Variants in DOCK11 observed in about 807,000 individuals in gnomAD.
The protein encoded by DOCK11 is dedicator of cytokinesis 11.
DOCK11 carries 70 observed loss-of-function variants against 169.1 expected under a neutral mutation model. The ratio of observed to expected loss-of-function variants is 0.41; its 90% confidence interval spans 0.34 to 0.51. DOCK11 has a LOEUF of 0.51. Among genes scored for constraint, DOCK11 ranks in the 20% least tolerant of loss-of-function variants. The pLI is 0.10. For missense variants in DOCK11, 1,166 were observed against 1,538.8 expected (o/e 0.76, Z 4.05); for synonymous variants, 529 against 541.3 (o/e 0.98, Z 0.32).
At chrX:118,504,212 C>T (rs1012931541) in intron 1 of DOCK11, among the ~76,000 whole-genome samples, 5 of 109,987 alleles carry the variant, frequency 4.5e-5, no homozygotes, top group African/African-American at 9.9e-5. Context: ...TTTCTGGGTT[C>T]GACAAGGTTA....
At chrX:118,671,967 C>T (rs1603183955) in intron 46 of DOCK11, among the ~76,000 whole-genome samples, 1 of 112,811 alleles carries the variant, frequency 8.9e-6, no homozygotes, top group Admixed American at 9.3e-5. Context: ...GCGTGAGCCA[C>T]TGTGACCGGC....
rs982419740 is a variant in DOCK11 at position 118,509,999 on chromosome X, C to T, written c.102+13926C>T. 4.5e-5 allele frequency among the ~76,000 whole-genome samples: 5 copies of T among 112,288 alleles called. No homozygotes were observed. The Admixed American group carries it at 4.7e-4, about 11-fold the overall frequency. On this transcript the variant is annotated intron_variant, in intron 1 of 52. Coordinates refer to ENST00000276202, the MANE Select transcript of DOCK11 (RefSeq NM_144658.4). ...CTGACACCGGCTCTCTTGCCTCCCT[C>T]TTTCACTTATAAGGACCTTGGTTCC...
chrX:118,645,467 G>A (rs1332590912), intron 40 of DOCK11, among the ~76,000 whole-genome samples: 2 of 110,842 alleles, frequency 1.8e-5, no homozygotes, highest in Non-Finnish European at 3.8e-5. Flanking sequence ...GCCGAGGCGG[G>A]CAGATCACCT....
intron 10 of DOCK11, chrX:118,569,424 G>C (rs762739815): frequency 9.0e-6 from 1 of 111,140 alleles, no homozygotes; most frequent in East Asian, 2.8e-4. Flanking sequence ...GTCAAGTACA[G>C]TAGTGACAAG....
chrX:118,681,312 CAG>C (rs1162505811), intron 50 of DOCK11, 64 bp downstream of exon 50: 2 of 992,832 alleles, frequency 2.0e-6, no homozygotes, highest in African/African-American at 3.9e-5. Context: ...TATAAGGGCA[CAG>C]AGCAAGCATT....
At chrX:118,516,684 C>T (rs1222419900) in intron 1 of DOCK11, among the ~76,000 whole-genome samples, 1 of 111,007 alleles carries the variant, frequency 9.0e-6, no homozygotes, top group Non-Finnish European at 1.9e-5. Context: ...ATCTGTGCAC[C>T]TCAGCCTCCC....
rs778368640 is a variant in DOCK11 at position 118,585,035 on chromosome X, A to G, written c.1719-6A>G. 8.3e-7 allele frequency: 1 copy of G among 1,204,476 alleles called. No individual in the cohort carries two copies. Among genetic ancestry groups the G allele is most frequent in the South Asian group, 1.8e-5 (1 of 56,541 alleles). The stretch of plus-strand genomic sequence containing the variant: ...TAACTCTAAAATATTATTATTTTAT[A>G]CCCAGGCCAGAAAAGACCAAACTGC... On this transcript the variant is annotated splice_region_variant and splice_polypyrimidine_tract_variant and intron_variant, in intron 15 of 52. Transcript: ENST00000276202.
chrX:118,513,599 G>A (rs1023907048), intron 1 of DOCK11, among the ~76,000 whole-genome samples: 3 of 111,884 alleles, frequency 2.7e-5, no homozygotes, highest in South Asian at 3.7e-4. Flanking sequence ...GTGACAGAGC[G>A]AGACCTTGTC....
chrX:118,553,081 C>A (rs1002044423), intron 6 of DOCK11, among the ~76,000 whole-genome samples: 1 of 111,414 alleles, frequency 9.0e-6, no homozygotes, highest in Non-Finnish European at 1.9e-5. Context: ...TCTTCAATTC[C>A]TGGAAAAGTA....
intron 23 of DOCK11, among the ~76,000 whole-genome samples, chrX:118,600,235 C>T (rs1401458233): frequency 9.1e-6 from 1 of 110,070 alleles, no homozygotes; most frequent in Non-Finnish European, 1.9e-5. Context: ...GGCGAAACCC[C>T]GTCTCTACTA....
chrX:118,668,108 C>A (rs886602272), intron 45 of DOCK11, among the ~76,000 whole-genome samples: 3 of 111,718 alleles, frequency 2.7e-5, no homozygotes, highest in African/African-American at 9.7e-5. Flanking sequence ...TGCTTTTTCT[C>A]TTTCTCTTGC....
chrX:118,515,197 G>A (rs1235495263), intron 1 of DOCK11, among the ~76,000 whole-genome samples: 4 of 111,665 alleles, frequency 3.6e-5, no homozygotes, highest in Admixed American at 9.5e-5. Context: ...CCAATAATCC[G>A]GATGCGCTCT....
At chrX:118,582,543 A>G (rs923793989) in intron 14 of DOCK11, among the ~76,000 whole-genome samples, 1 of 112,129 alleles carries the variant, frequency 8.9e-6, no homozygotes, top group African/African-American at 3.2e-5. Context: ...AACTTACTCA[A>G]AAGGCTGGGC....
chrX:118,567,886 G>A lies in DOCK11; in HGVS notation c.952-193G>A, dbSNP rs1188609994. ...TAACATAATGGCTATGAAAACTATG[G>A]TGATTTCTCTTTTGTTTATTTCTCC... On this transcript the variant is annotated intron_variant, in intron 9 of 52. Transcript: ENST00000276202. Among the ~76,000 whole-genome samples, 3 of 111,661 alleles carry A rather than the reference G, an allele frequency of 2.7e-5. No individual in the cohort carries two copies. The East Asian group carries it at 8.4e-4, about 31-fold the overall frequency.
In DOCK11 at chrX:118,639,403, A is replaced by G. The variant is rs781386599; in HGVS notation, c.4002-32A>G. 27 of 1,193,129 alleles carry G rather than the reference A, an allele frequency of 2.3e-5. No homozygotes were observed. The Middle Eastern group carries it at 7.1e-4, about 31-fold the overall frequency. On this transcript the variant is annotated intron_variant, in intron 37 of 52. Coordinates refer to ENST00000276202, the MANE Select transcript of DOCK11 (RefSeq NM_144658.4). ...TAACATTGAGATATGTTATTAGAGCACTCCAGTTCCTGACTTTAAAATTTA... is the reference window on the plus strand; with the variant it reads ...TAACATTGAGATATGTTATTAGAGCGCTCCAGTTCCTGACTTTAAAATTTA...
chrX:118,527,211 A>G (rs774213702), intron 1 of DOCK11, among the ~76,000 whole-genome samples: 7 of 112,409 alleles, frequency 6.2e-5, no homozygotes, highest in African/African-American at 1.3e-4. Flanking sequence ...AACAACTTCT[A>G]CTGGTTTTAT....
intron 1 of DOCK11, among the ~76,000 whole-genome samples, chrX:118,500,577 C>A (rs2057569600): frequency 9.0e-6 from 1 of 110,843 alleles, no homozygotes; most frequent in Admixed American, 9.6e-5. Context: ...CATACCCACA[C>A]ACATATATGG....
In DOCK11 at chrX:118,599,241, C is replaced by G. The variant is rs1331974001; in HGVS notation, c.2562+13C>G. 2 of 1,141,564 alleles carry G rather than the reference C, an allele frequency of 1.8e-6. No homozygotes were observed. The highest frequency in any genetic ancestry group is 3.6e-5 in the African/African-American group (2 of 55,286). 94.1% of individuals were successfully genotyped at this position (1,141,564 alleles called of 1,213,427 possible). ...TAAATATTTAAAGGTAAATGAACAG[C>G]AGCTTTCTGCAAAACGTTTGTTTTT... On this transcript the variant is annotated intron_variant, in intron 23 of 52. Coordinates refer to ENST00000276202, the MANE Select transcript of DOCK11 (RefSeq NM_144658.4).
chrX:118,546,923 G>C (rs767840443), intron 6 of DOCK11, among the ~76,000 whole-genome samples: 1 of 111,831 alleles, frequency 8.9e-6, no homozygotes, highest in South Asian at 3.7e-4. Context: ...CCAGGAGATG[G>C]AGGTTGCAGT....
Sources: allele counts gnomAD v4.1 joint callset (sites outside exome capture counted in the v4.1 genomes callset), GRCh38; gene constraint gnomAD v4.1.1; transcripts MANE v1.5; gene names NCBI Gene and HGNC (gene_info 2026-07-23, HGNC 2026-07-21).